Variants in TMCO5A observed in about 807,000 individuals in gnomAD.
The protein encoded by TMCO5A is transmembrane and coiled-coil domains 5A.
Under a neutral mutation model 42.3 loss-of-function variants are expected in TMCO5A, and 34 were observed. The ratio of observed to expected loss-of-function variants is 0.80; its 90% CI spans 0.61 to 1.07. The LOEUF (loss-of-function observed/expected upper bound fraction) is 1.07. TMCO5A is among the 50% of genes least tolerant of loss of function. The pLI, the probability that TMCO5A is intolerant of heterozygous loss-of-function variation, is 0.00. For synonymous variants in TMCO5A, 131 were observed against 115.6 expected, an observed-to-expected ratio of 1.13 and a Z score of -0.86; for missense variants, 357 against 327.9, an observed-to-expected ratio of 1.09 and a Z score of -0.69.
chr15:37,964,528 C>T (rs1375643140), intron 11 of TMCO5A, among the ~76,000 whole-genome samples: 1 of 152,052 alleles, frequency 6.6e-6, no homozygotes, highest in East Asian at 1.9e-4. Context: ...ATGCTTCTCT[C>T]CCTGTCTGAG....
At position 37,936,864 on chromosome 15, in the gene TMCO5A, T is replaced by C; in HGVS notation, c.158T>C (p.Ile53Thr). ...DKIQRLESEI[I>T]QTRGLVEDEE... The stretch of plus-strand genomic sequence containing the variant: ...TTGTCCAGGCTGGAAAGTGAGATCA[T>C]TCAGACGCGGGGCCTGGTGGAAGAT... The change falls in exon 4 of 12, where the codon ATT becomes ACT. Residue 53 changes from isoleucine (I) to threonine (T), a missense_variant. Transcript: ENST00000319669. 1.2e-6 allele frequency: 2 copies of C among 1,611,968 alleles called. No homozygotes were observed. The highest frequency in any genetic ancestry group is 1.7e-6 in the Non-Finnish European group (2 of 1,178,952).
At chr15:37,973,131 C>T in the TMCO5A span, among the ~76,000 whole-genome samples, 7 of 149,212 alleles carry the variant, frequency 4.7e-5, no homozygotes, top group South Asian at 1.5e-3. Flanking sequence ...TTCCATCAGT[C>T]TATGTGTTTT....
chr15:38,029,795 C>T, the TMCO5A span, among the ~76,000 whole-genome samples: 15 of 152,264 alleles, frequency 9.9e-5, no homozygotes, highest in African/African-American at 3.1e-4. Context: ...TCAACTCTCT[C>T]AGAACTGAGA....
chr15:37,946,790 A>G (rs958092673), intron 10 of TMCO5A, among the ~76,000 whole-genome samples: 2 of 152,132 alleles, frequency 1.3e-5, no homozygotes, highest in African/African-American at 4.8e-5. Flanking sequence ...GGATCATGTC[A>G]CCTGCAAACA....
chr15:38,028,644 GA>G, the TMCO5A span, among the ~76,000 whole-genome samples: 1 of 150,370 alleles, frequency 6.7e-6, no homozygotes, highest in Non-Finnish European at 1.5e-5. Flanking sequence ...AGTTTTGAAA[GA>G]AAAAAAAATA....
chr15:37,958,940 T>A lies in TMCO5A; in HGVS notation c.669-7685T>A, dbSNP rs60018603. Among the ~76,000 whole-genome samples the A allele has an allele frequency of 1.5e-4, 23 of 152,084 alleles. No homozygotes were observed. In the East Asian group the frequency reaches 4.5e-3, roughly 29 times the overall value. On this transcript the variant is annotated intron_variant, in intron 11 of 11. Transcript: ENST00000559502. Reference sequence around the variant, plus strand: ...TACACCATGGACTACTATGCAGCCATAAAAAAGGATGAGTTCATGTACTTT... The same window carrying A: ...TACACCATGGACTACTATGCAGCCAAAAAAAAGGATGAGTTCATGTACTTT...
At chr15:37,951,548 C>T (rs565855484), downstream of TMCO5A, 1 of 275,692 alleles carries the variant, frequency 3.6e-6, no homozygotes, top group Non-Finnish European at 6.8e-6. Flanking sequence ...AAAAATCTGA[C>T]ACACTGGATT....
At chr15:37,989,387 T>C in the TMCO5A span, among the ~76,000 whole-genome samples, 3 of 152,006 alleles carry the variant, frequency 2.0e-5, no homozygotes, top group African/African-American at 4.8e-5. Context: ...TAAATTATTA[T>C]ACATTTAAGT....
chr15:38,028,912 T>A, the TMCO5A span, among the ~76,000 whole-genome samples: 1 of 152,084 alleles, frequency 6.6e-6, no homozygotes, highest in Non-Finnish European at 1.5e-5. Context: ...AATGACCTCA[T>A]TGAAACAAAC....
the TMCO5A span, among the ~76,000 whole-genome samples, chr15:37,980,101 A>T: frequency 6.3e-3 from 956 of 152,062 alleles, 8 homozygotes; most frequent in African/African-American, 0.022. Flanking sequence ...ACTACTGGAA[A>T]CTCCATCCCA....
At position 37,936,904 on chromosome 15, in the gene TMCO5A, G is replaced by A. The variant is rs924385960; in HGVS notation, c.198G>A (p.Lys66=). 1.2e-6 allele frequency: 2 copies of A among 1,612,486 alleles called. No individual in the cohort carries two copies. Among genetic ancestry groups the A allele is most frequent in the African/African-American group, 2.7e-5 (2 of 74,820 alleles). ...RGLVEDEEWE[K]ENRTTMERER... ...TGGTGGAAGATGAAGAGTGGGAGAA[G>A]GAGAACCGCACCACGATGGAAAGGG... The change falls in exon 4 of 12, where the codon AAG becomes AAA. Residue 66 remains lysine (K), a synonymous_variant. Coordinates refer to ENST00000319669, the MANE Select transcript of TMCO5A (RefSeq NM_152453.4).
At chr15:37,996,160 G>GT in the TMCO5A span, among the ~76,000 whole-genome samples, 1 of 152,182 alleles carries the variant, frequency 6.6e-6, no homozygotes, top group African/African-American at 2.4e-5. Context: ...ACCCTGGGGC[G>GT]TAAGAGTGAT....
chr15:38,029,243 G>C, the TMCO5A span, among the ~76,000 whole-genome samples: 1 of 151,860 alleles, frequency 6.6e-6, no homozygotes, highest in African/African-American at 2.4e-5. Flanking sequence ...GTGCCGGTTG[G>C]GTGTCATTTA....
chr15:37,999,838 A>G, the TMCO5A span, among the ~76,000 whole-genome samples: 1 of 152,262 alleles, frequency 6.6e-6, no homozygotes, highest in Non-Finnish European at 1.5e-5. Context: ...ATTGATTTGC[A>G]TATGTTGAAC....
At chr15:37,960,158 T>G (rs115992228) in intron 11 of TMCO5A, among the ~76,000 whole-genome samples, 2,437 of 151,732 alleles carry the variant, frequency 0.016, 73 homozygotes, top group African/African-American at 0.055. Context: ...AAATATTTTT[T>G]TCCCTACATT....
In TMCO5A at chr15:37,951,058, A is replaced by T. The variant is rs1196057290; in HGVS notation, c.691A>T (p.Ile231Phe). Residue 231 changes from isoleucine to phenylalanine, a missense_variant, in exon 12 of 12, where the codon ATC (isoleucine) becomes TTC (phenylalanine). By Grantham distance (21) the Ile-to-Phe change is conservative. Transcript: ENST00000319669. ...SKKIFCCLFF[I>F]TLFFIRLLSY... is the part of the protein sequence containing the mutation. Reference sequence around the variant, plus strand: ...TAGGATTTTTTGCTGTCTCTTTTTCATCACCCTATTTTTCATCAGACTGCT... The same window carrying T: ...TAGGATTTTTTGCTGTCTCTTTTTCTTCACCCTATTTTTCATCAGACTGCT... The T allele has an allele frequency of 6.2e-7, 1 of 1,611,772 alleles. No homozygotes were observed. Among genetic ancestry groups the T allele is most frequent in the Admixed American group, 1.7e-5 (1 of 59,888 alleles).
At chr15:38,021,472 AT>A in the TMCO5A span, among the ~76,000 whole-genome samples, 7 of 145,944 alleles carry the variant, frequency 4.8e-5, no homozygotes, top group Non-Finnish European at 1.1e-4. Context: ...ATGTGGGGGG[AT>A]TTTTTTAGAA....
chr15:37,951,477 C>A, downstream of TMCO5A: 1 of 436,586 alleles, frequency 2.3e-6, no homozygotes, highest in Non-Finnish European at 4.0e-6. Context: ...CAAATTTGAC[C>A]ATTTGGGGAA....
chr15:38,033,088 C>T, the TMCO5A span, among the ~76,000 whole-genome samples: 14 of 152,032 alleles, frequency 9.2e-5, no homozygotes, highest in Non-Finnish European at 1.9e-4. Context: ...CCACCTCGCC[C>T]GGCTAATTTT....
Sources: gnomAD v4.1 joint callset for allele counts (sites outside exome capture counted in the v4.1 genomes callset) on GRCh38, gnomAD v4.1.1 for gene constraint, MANE v1.5 for transcripts, NCBI Gene and HGNC (gene_info 2026-07-23, HGNC 2026-07-21) for gene names.